The following PRKN variants were observed in gnomAD, a reference collection of about 807,000 sequenced individuals.
The protein encoded by PRKN is parkin RBR E3 ubiquitin protein ligase, also known as E3 ubiquitin-protein ligase parkin.
PRKN carries 56 observed loss-of-function variants against 59.5 expected under a neutral mutation model. That is an observed-to-expected ratio of 0.94 (90% CI 0.76 to 1.18). PRKN has a LOEUF of 1.18. Among genes scored for constraint, PRKN ranks in the 50% most tolerant of loss-of-function variants. The pLI is 0.00. For missense variants in PRKN, 657 were observed against 596.4 expected, an observed-to-expected ratio of 1.10 and a Z score of -1.06; for synonymous variants, 250 against 222.1, an observed-to-expected ratio of 1.13 and a Z score of -1.12.
chr6:162,289,427 T>C (rs949369054), intron 2 of PRKN, among the ~76,000 whole-genome samples: 1 of 151,958 alleles, frequency 6.6e-6, no homozygotes, highest in Non-Finnish European at 1.5e-5. Flanking sequence ...TAGCCAGGCA[T>C]AGTGGCTCAT....
At chr6:161,795,996 G>A (rs1339779550) in intron 6 of PRKN, among the ~76,000 whole-genome samples, 1 of 152,092 alleles carries the variant, frequency 6.6e-6, no homozygotes, top group Non-Finnish European at 1.5e-5. Context: ...TAATGATAAT[G>A]CTTCTATAAG....
At chr6:161,820,379 C>T (rs1456821937) in intron 6 of PRKN, among the ~76,000 whole-genome samples, 1 of 151,146 alleles carries the variant, frequency 6.6e-6, no homozygotes, top group East Asian at 1.9e-4. Flanking sequence ...TCTCCTGTGA[C>T]AATAAAATAT....
chr6:162,049,411 A>G (rs1396070789), intron 5 of PRKN, among the ~76,000 whole-genome samples: 2 of 152,158 alleles, frequency 1.3e-5, no homozygotes, highest in Admixed American at 6.5e-5. Context: ...GTTTTAAGAG[A>G]GAGTGAAAGA....
chr6:162,727,674 C>CT lies in PRKN; in HGVS notation c.-7dup. ...GGTACCCACGTACCTATCATGGTCA[C>CT]TGGGTAGGTGGCGGCTGCGGGCCAG... On this transcript the variant is annotated 5_prime_UTR_variant, in exon 1 of 12. An upstream open reading frame in the 5' UTR gains an earlier in-frame stop. Transcript: ENST00000366898. 1 of 1,581,032 alleles carries CT rather than the reference C, an allele frequency of 6.3e-7. No individual in the cohort carries two copies. Among genetic ancestry groups the CT allele is most frequent in the Non-Finnish European group, 8.6e-7 (1 of 1,164,626 alleles).
chr6:161,709,464 A>G (rs934099972), intron 7 of PRKN, among the ~76,000 whole-genome samples: 47 of 152,238 alleles, frequency 3.1e-4, no homozygotes, highest in African/African-American at 1.1e-3. Flanking sequence ...TACTTTGTAA[A>G]GTACCAAAGT....
chr6:161,952,637 A>T (rs1037233368), intron 6 of PRKN, among the ~76,000 whole-genome samples: 7 of 152,134 alleles, frequency 4.6e-5, no homozygotes, highest in Admixed American at 2.0e-4. Context: ...TACATACATA[A>T]CATAAATAAA....
At chr6:161,714,754 G>T (rs532217643) in intron 7 of PRKN, among the ~76,000 whole-genome samples, 1 of 152,182 alleles carries the variant, frequency 6.6e-6, no homozygotes, top group African/African-American at 2.4e-5. Context: ...AGAGATTAGT[G>T]AATGCATTAT....
rs1024280012 is a variant in PRKN at position 161,487,170 on chromosome 6, T to C, written c.1083+61684A>G. Among the ~76,000 whole-genome samples, 20 of 152,172 alleles carry C rather than the reference T, an allele frequency of 1.3e-4. No individual in the cohort carries two copies. The highest frequency in any genetic ancestry group is 4.8e-4 in the African/African-American group (20 of 41,442). ...CACTGTGCCCAGGACTGTATATGGA[T>C]CATGTTTAATCCAAAAGCAATTCTG... On this transcript the variant is annotated intron_variant, in intron 9 of 11. Transcript: ENST00000366898. The surrounding 1 kb of genome is among the most constrained non-coding windows in gnomAD (Gnocchi z 5.3).
Position 161,527,459 on chromosome 6 carries a change from C to A in PRKN, c.1083+21395G>T, listed in dbSNP as rs1328268352. Among the ~76,000 whole-genome samples, 2 of 152,202 alleles carry A rather than the reference C, an allele frequency of 1.3e-5. No individual in the cohort carries two copies. The highest frequency in any genetic ancestry group is 2.9e-5 in the Non-Finnish European group (2 of 68,030). ...AGGGCATTTCCCTCCCTGAACCTTA[C>A]AACCTGCTGGATGCTATGCCCACAT... On this transcript the variant is annotated intron_variant, in intron 9 of 11. Transcript: ENST00000366898. This position sits in a 1 kb window ranked among gnomAD's most constrained non-coding sequence, Gnocchi z 4.6.
In PRKN at chr6:161,348,839, G is replaced by T; in HGVS notation, c.*1260C>A. ...CTGCGTAGTGTGGGTAAGAGCATGC[G>T]GTTTGCCGCATGCAGTGTTGTTAAT... is the stretch of plus-strand genomic sequence containing the variant. On this transcript the variant is annotated 3_prime_UTR_variant, in exon 12 of 12. Transcript: ENST00000366898. The surrounding 1 kb of genome is among the most constrained non-coding windows in gnomAD (Gnocchi z 4.9). 4.8e-6 allele frequency: 1 copy of T among 208,758 alleles called. No individual in the cohort carries two copies. 12.9% of individuals were successfully genotyped at this position (208,758 alleles called of 1,614,324 possible).
At chr6:161,925,022 A>T (rs982707596) in intron 6 of PRKN, among the ~76,000 whole-genome samples, 4 of 152,186 alleles carry the variant, frequency 2.6e-5, no homozygotes, top group African/African-American at 9.7e-5. Context: ...CTGGGAAAAA[A>T]ATATTGTTGT....
At chr6:162,479,885 T>C (rs1179287068) in intron 1 of PRKN, among the ~76,000 whole-genome samples, 1 of 151,854 alleles carries the variant, frequency 6.6e-6, no homozygotes, top group African/African-American at 2.4e-5. Context: ...GCCAACATAG[T>C]GAAACCTCGT....
intron 6 of PRKN, among the ~76,000 whole-genome samples, chr6:161,863,577 A>G (rs1793993994): frequency 6.6e-6 from 1 of 152,166 alleles, no homozygotes; most frequent in Non-Finnish European, 1.5e-5. Flanking sequence ...ATTTCCTGGA[A>G]GTGATGGTGA....
chr6:161,701,832 A>C (rs1786264872), intron 7 of PRKN, among the ~76,000 whole-genome samples: 1 of 152,202 alleles, frequency 6.6e-6, no homozygotes, highest in South Asian at 2.1e-4. Flanking sequence ...TGGGAACAGA[A>C]ATACCTTTAT....
chr6:161,567,855 C>A (rs1471057633), intron 8 of PRKN, among the ~76,000 whole-genome samples: 1 of 152,176 alleles, frequency 6.6e-6, no homozygotes, highest in East Asian at 1.9e-4. Context: ...GCAGAATTGT[C>A]AGGGTAACAA....
chr6:162,656,807 T>A (rs551569920), intron 1 of PRKN, among the ~76,000 whole-genome samples: 12 of 152,292 alleles, frequency 7.9e-5, no homozygotes, highest in African/African-American at 2.9e-4. Flanking sequence ...TCCAGATGTA[T>A]TCCAGCATAA....
chr6:161,617,852 T>C (rs1005432306), intron 7 of PRKN, among the ~76,000 whole-genome samples: 1 of 152,268 alleles, frequency 6.6e-6, no homozygotes, highest in Non-Finnish European at 1.5e-5. Context: ...AGATATGGCC[T>C]GGGCCTTCCT....
chr6:161,783,657 T>A (rs1452453539), intron 7 of PRKN: 2 of 506,304 alleles, frequency 4.0e-6, no homozygotes, highest in South Asian at 2.9e-5. Context: ...GTTTCTATTG[T>A]TTGTGGCTTT....
At position 162,142,302 on chromosome 6, in the gene PRKN, G is replaced by A. The variant is rs550040863; in HGVS notation, c.534+58829C>T. 6.6e-5 allele frequency among the ~76,000 whole-genome samples: 10 copies of A among 152,298 alleles called. 1 individual carries two copies. The highest frequency in any genetic ancestry group is 3.9e-4 in the Admixed American group (6 of 15,302). On this transcript the variant is annotated intron_variant, in intron 4 of 11. Transcript: ENST00000366898. ...CATGCAGCACAGATGGCAGCCCAGT[G>A]GTGAAGAGCCTGCATCCGGCAGTCA... is the stretch of plus-strand genomic sequence containing the variant.
Sources: gnomAD v4.1 joint callset for allele counts (sites outside exome capture counted in the v4.1 genomes callset) on GRCh38, gnomAD v4.1.1 for gene constraint, Gnocchi (gnomAD v3.1) non-coding constraint, MANE v1.5 for transcripts, NCBI Gene and HGNC (gene_info 2026-07-23, HGNC 2026-07-21) for gene names.